Variants in KDM4C observed in about 807,000 individuals in gnomAD.
The protein encoded by KDM4C is lysine-specific demethylase 4C.
Under a neutral mutation model 129.3 loss-of-function variants are expected in KDM4C, and 81 were observed. That is an observed-to-expected ratio of 0.63 (90% CI 0.52 to 0.75). KDM4C has a LOEUF of 0.75. Ranked by LOEUF, KDM4C falls within the 30% of genes least tolerant of loss-of-function variation. KDM4C has a pLI of 0.00. For synonymous variants in KDM4C, 573 were observed against 456.1 expected, an observed-to-expected ratio of 1.26 and a Z score of -3.26; for missense variants, 1,457 against 1,304.0, an observed-to-expected ratio of 1.12 and a Z score of -1.81.
chr9:7,140,739 A>G (rs748013655), intron 19 of KDM4C, among the ~76,000 whole-genome samples: 1 of 152,230 alleles, frequency 6.6e-6, no homozygotes, highest in African/African-American at 2.4e-5. Context: ...AAATGATAGC[A>G]GTAAAATTCG....
At chr9:7,063,940 C>G (rs1306083320) in intron 17 of KDM4C, among the ~76,000 whole-genome samples, 2 of 152,176 alleles carry the variant, frequency 1.3e-5, no homozygotes, top group Admixed American at 6.5e-5. Flanking sequence ...GTTCTAGGTT[C>G]TAGGAAGCCT....
At chr9:6,838,078 A>C (rs1386723197) in intron 4 of KDM4C, among the ~76,000 whole-genome samples, 3 of 151,974 alleles carry the variant, frequency 2.0e-5, no homozygotes, top group Non-Finnish European at 2.9e-5. Context: ...TAACTCTTTC[A>C]CTGAGTTTTT....
chr9:7,031,677 T>C (rs974636175), intron 15 of KDM4C, among the ~76,000 whole-genome samples: 18 of 151,802 alleles, frequency 1.2e-4, no homozygotes, highest in African/African-American at 4.1e-4. Context: ...TATATATATA[T>C]GTGTGTGTGT....
chr9:6,996,663 C>T (rs1332088330), intron 12 of KDM4C, among the ~76,000 whole-genome samples: 1 of 152,186 alleles, frequency 6.6e-6, no homozygotes, highest in Non-Finnish European at 1.5e-5. Flanking sequence ...CAGTGATACT[C>T]CTCTGCTCAG....
At chr9:6,877,848 A>C (rs1056917286) in intron 5 of KDM4C, among the ~76,000 whole-genome samples, 26 of 152,200 alleles carry the variant, frequency 1.7e-4, no homozygotes, top group African/African-American at 5.8e-4. Context: ...TATTAGCATT[A>C]TTACTTATCT....
chr9:7,034,506 C>T (rs954914680), intron 15 of KDM4C, among the ~76,000 whole-genome samples: 20 of 152,178 alleles, frequency 1.3e-4, no homozygotes, highest in Non-Finnish European at 2.9e-5. Flanking sequence ...CCAGTTCCTT[C>T]CATGTTGTTG....
intron 1 of KDM4C, among the ~76,000 whole-genome samples, chr9:6,776,763 G>A (rs1408910881): frequency 6.6e-6 from 1 of 151,700 alleles, no homozygotes; most frequent in East Asian, 1.9e-4. Flanking sequence ...CACCACGCCC[G>A]GGTAATTTTT....
At chr9:6,888,127 A>G (rs1335820077) in intron 7 of KDM4C, 64 bp downstream of exon 7, 1 of 820,414 alleles carries the variant, frequency 1.2e-6, no homozygotes, top group East Asian at 2.8e-5. Flanking sequence ...TTAAGAAGTA[A>G]TGTATCTTTA....
Position 6,854,531 on chromosome 9 carries a change from AAAAAAAAAAAAAAAC to A in KDM4C, c.629+4842_629+4856del, listed in dbSNP as rs1220112263. 4.8e-5 allele frequency among the ~76,000 whole-genome samples: 7 copies of A among 145,812 alleles called. No individual in the cohort carries two copies. The South Asian group carries it at 1.3e-3, about 27-fold the overall frequency. On this transcript the variant is annotated intron_variant, in intron 5 of 21. Coordinates refer to ENST00000381309, the MANE Select transcript of KDM4C (RefSeq NM_015061.6). Reference sequence around the variant, plus strand: ...CAAGAGCGAAACTCCGTCTCAAAAAAAAAAAAAAAAAAAACAAAAAAAAAACTAACTTTCAAATTT... The same window carrying A: ...CAAGAGCGAAACTCCGTCTCAAAAAAAAAAAAAAAACTAACTTTCAAATTT...
intron 4 of KDM4C, among the ~76,000 whole-genome samples, chr9:6,840,362 T>C (rs961205417): frequency 3.3e-5 from 5 of 151,982 alleles, no homozygotes; most frequent in Non-Finnish European, 7.4e-5. Context: ...CACGAGCCAC[T>C]GAACCTGGCC....
chr9:7,131,045 A>G (rs993993541), intron 19 of KDM4C, among the ~76,000 whole-genome samples: 2 of 151,594 alleles, frequency 1.3e-5, no homozygotes, highest in Non-Finnish European at 2.9e-5. Context: ...CTGGGATTAC[A>G]GTTGTGAGCC....
intron 8 of KDM4C, chr9:6,925,543 A>T: frequency 3.2e-6 from 3 of 947,982 alleles, no homozygotes; most frequent in Non-Finnish European, 3.7e-6. Flanking sequence ...CAGTCCTCCC[A>T]CCTTGGCCTC....
intron 8 of KDM4C, among the ~76,000 whole-genome samples, chr9:6,960,437 A>G (rs1829835194): frequency 6.6e-6 from 1 of 151,186 alleles, no homozygotes. Context: ...GCATCACCAC[A>G]CTCATCTAGG....
At chr9:7,060,762 G>A (rs1235306763) in intron 17 of KDM4C, among the ~76,000 whole-genome samples, 1 of 152,124 alleles carries the variant, frequency 6.6e-6, no homozygotes, top group African/African-American at 2.4e-5. Context: ...TCATAGGTGT[G>A]AGCCACTGTG....
At chr9:7,174,418 C>T in intron 21 of KDM4C, 135 bp from the exon 22 acceptor site, 1 of 733,470 alleles carries the variant, frequency 1.4e-6, no homozygotes, top group Non-Finnish European at 2.3e-6. Flanking sequence ...CAAAGCCATG[C>T]CTGGGGCCCT....
chr9:6,787,843 G>C lies in KDM4C; in HGVS notation c.-17-5129G>C, dbSNP rs1314580742. 2.6e-5 allele frequency among the ~76,000 whole-genome samples: 4 copies of C among 152,194 alleles called. No individual in the cohort carries two copies. In the East Asian group the frequency reaches 5.8e-4, roughly 22 times the overall value. On this transcript the variant is annotated intron_variant, in intron 1 of 21. Transcript: ENST00000381309. ...TAGAGACAGCCATTATCTCCTTAAA[G>C]GGGAATGGATGTTTGAGTACCAAGA...
At chr9:7,080,083 T>C (rs948306938) in intron 17 of KDM4C, among the ~76,000 whole-genome samples, 1 of 152,108 alleles carries the variant, frequency 6.6e-6, no homozygotes, top group African/African-American at 2.4e-5. Context: ...TATTGCAGAA[T>C]TTATGTACCT....
At chr9:6,928,380 G>A (rs1823023636) in intron 8 of KDM4C, among the ~76,000 whole-genome samples, 1 of 152,144 alleles carries the variant, frequency 6.6e-6, no homozygotes, top group East Asian at 1.9e-4. Context: ...TTGCCAGCAG[G>A]CTTTAAGTCT....
chr9:6,758,055 C>T lies in KDM4C; in HGVS notation c.-166C>T, dbSNP rs1405386990. On this transcript the variant is annotated 5_prime_UTR_variant, in exon 1 of 22. Coordinates refer to ENST00000381309, the MANE Select transcript of KDM4C (RefSeq NM_015061.6). This position sits in a 1 kb window ranked among gnomAD's most constrained non-coding sequence, Gnocchi z 4.6. The stretch of plus-strand genomic sequence containing the variant: ...GGTGAGGCGCGGCGCAGTGATCGGG[C>T]GGCCGGGGTCCTGTGCGCGTGCGCA... 1.1e-5 allele frequency: 11 copies of T among 985,352 alleles called. No individual in the cohort carries two copies. The highest frequency in any genetic ancestry group is 1.7e-5 in the African/African-American group (1 of 57,248). 61.0% of individuals were successfully genotyped at this position (985,352 alleles called of 1,614,324 possible). A position where few individuals can be genotyped will look rare whatever the true frequency, so the allele number is the denominator to read the frequency against.
Sources: allele counts gnomAD v4.1 joint callset (sites outside exome capture counted in the v4.1 genomes callset), GRCh38; gene constraint gnomAD v4.1.1; non-coding constraint Gnocchi (gnomAD v3.1); transcripts MANE v1.5; gene names NCBI Gene and HGNC (gene_info 2026-07-23, HGNC 2026-07-21).